DCDC2C: variants seen among roughly 807,000 people sequenced by gnomAD.
DCDC2C encodes doublecortin domain-containing protein 2C.
DCDC2C carries 44 observed loss-of-function variants against 45.0 expected under a neutral mutation model. The observed-to-expected ratio is 0.98, with a 90% CI of 0.77 to 1.26. The LOEUF (loss-of-function observed/expected upper bound fraction) is 1.26. Ranked by LOEUF, DCDC2C falls within the 50% of genes most tolerant of loss-of-function variation. The pLI, the probability that DCDC2C is intolerant of heterozygous loss-of-function variation, is 0.00. For synonymous variants in DCDC2C, 187 were observed against 178.8 expected, an observed-to-expected ratio of 1.05 and a Z score of -0.37; for missense variants, 447 against 468.9, an observed-to-expected ratio of 0.95 and a Z score of 0.43.
Position 3,703,576 on chromosome 2 carries a change from G to GCCCCGTCCAGC in DCDC2C, c.-168_-167insAGCCCCCGTCC, listed in dbSNP as rs537073008. The GCCCCGTCCAGC allele has an allele frequency of 0.012, 6,915 of 598,314 alleles. 419 individuals carry two copies. The African/African-American group carries it at 0.12, about 10-fold the overall frequency. The allele number at this position is 598,314 out of a possible 1,614,324, so 37.1% of individuals were successfully genotyped here. On this transcript the variant is annotated 5_prime_UTR_variant, in exon 1 of 11. Transcript: ENST00000399143. The surrounding 1 kb of genome is among the most constrained non-coding windows in gnomAD (Gnocchi z 4.4). Reference sequence around the variant, plus strand: ...ACACGCAGCCTCCGCCCGCCTGGCAGCCCCGTCCCGTCCCCGTCCAGCCCC... The same window carrying GCCCCGTCCAGC: ...ACACGCAGCCTCCGCCCGCCTGGCAGCCCCGTCCAGCCCCCGTCCCGTCCCCGTCCAGCCCC...
intron 9 of DCDC2C, among the ~76,000 whole-genome samples, chr2:3,784,348 A>G (rs529252764): frequency 1.3e-5 from 2 of 152,180 alleles, no homozygotes; most frequent in African/African-American, 4.8e-5. Context: ...CTTTTTTTAA[A>G]CCATTATCAT....
intron 4 of DCDC2C, among the ~76,000 whole-genome samples, chr2:3,746,995 G>A (rs1669384262): frequency 6.6e-6 from 1 of 152,146 alleles, no homozygotes; most frequent in Non-Finnish European, 1.5e-5. Flanking sequence ...AGGGAAGCAG[G>A]GCCTGGCTGT....
intron 4 of DCDC2C, among the ~76,000 whole-genome samples, chr2:3,747,457 C>T (rs887233776): frequency 2.0e-5 from 3 of 152,158 alleles, no homozygotes; most frequent in South Asian, 2.1e-4. Context: ...CTGAGGGAGG[C>T]GAAGTGGGCC....
intron 2 of DCDC2C, among the ~76,000 whole-genome samples, chr2:3,725,478 A>G (rs77978666): frequency 0.23 from 2,165 of 9,348 alleles, 42 homozygotes; most frequent in African/African-American, 0.3. Flanking sequence ...GGTGGATCCC[A>G]GAGGAAGACG....
At position 3,811,340 on chromosome 2, in the gene DCDC2C, C is replaced by T. The variant is rs530685452; in HGVS notation, c.1065+26240C>T. Among the ~76,000 whole-genome samples the T allele has an allele frequency of 3.3e-5, 5 of 152,186 alleles. No homozygotes were observed. The South Asian group carries it at 6.2e-4, about 19-fold the overall frequency. ...CCTAGGCATTTTATTCTCTTTGTAG[C>T]GATTGTGAATGGGAGTTCATTTATG... On this transcript the variant is annotated intron_variant, in intron 10 of 10. Coordinates refer to ENST00000399143, the MANE Select transcript of DCDC2C (RefSeq NM_001287444.2).
intron 10 of DCDC2C, among the ~76,000 whole-genome samples, chr2:3,802,093 G>A (rs1026501228): frequency 6.6e-6 from 1 of 152,334 alleles, no homozygotes; most frequent in Admixed American, 6.5e-5. Flanking sequence ...GTGTGGAGAT[G>A]AAGTGAGTGT....
chr2:3,753,100 G>C (rs1426332377), intron 5 of DCDC2C, among the ~76,000 whole-genome samples, 200 bp downstream of exon 5: 1 of 148,650 alleles, frequency 6.7e-6, no homozygotes, highest in African/African-American at 2.5e-5. Flanking sequence ...GTATTCACAA[G>C]GACAGCAAGA....
chr2:3,733,184 A>G (rs1049606962), intron 3 of DCDC2C, among the ~76,000 whole-genome samples: 1 of 152,150 alleles, frequency 6.6e-6, no homozygotes, highest in African/African-American at 2.4e-5. Context: ...TAATTGGATA[A>G]AGTGTATTTG....
At chr2:3,731,450 C>T (rs1379899761) in intron 3 of DCDC2C, among the ~76,000 whole-genome samples, 1 of 152,216 alleles carries the variant, frequency 6.6e-6, no homozygotes, top group Non-Finnish European at 1.5e-5. Context: ...AATGACCCTT[C>T]TGAGCATAAT....
chr2:3,788,769 TTCTTCCGTTTCCCTTTCTTCCTC>T (rs140827043), intron 10 of DCDC2C, among the ~76,000 whole-genome samples: 202 of 147,238 alleles, frequency 1.4e-3, no homozygotes, highest in South Asian at 1.9e-3. Flanking sequence ...TTTTCTTCCT[TTCTTCCGTTTCCCTTTCTTCCTC>T]CCTTCCTTCC....
chr2:3,847,086 G>A (rs937997506), intron 10 of DCDC2C, 68 bp from the exon 11 acceptor site: 29 of 989,224 alleles, frequency 2.9e-5, no homozygotes, highest in Non-Finnish European at 3.3e-5. Flanking sequence ...GAGAGAACCA[G>A]AAACAAACTG....
At chr2:3,736,851 AAC>A (rs1438335711) in intron 3 of DCDC2C, among the ~76,000 whole-genome samples, 1 of 152,218 alleles carries the variant, frequency 6.6e-6, no homozygotes, top group Non-Finnish European at 1.5e-5. Context: ...AGTTTAGAAA[AAC>A]ACAATAATAA....
At chr2:3,813,264 G>A (rs888245687) in intron 10 of DCDC2C, among the ~76,000 whole-genome samples, 1 of 151,658 alleles carries the variant, frequency 6.6e-6, no homozygotes, top group Non-Finnish European at 1.5e-5. Flanking sequence ...TAGAGATGGA[G>A]TTTCACCATG....
intron 3 of DCDC2C, among the ~76,000 whole-genome samples, chr2:3,736,953 A>G (rs1669048560): frequency 6.6e-6 from 1 of 152,206 alleles, no homozygotes; most frequent in South Asian, 2.1e-4. Context: ...CCTTCATTAT[A>G]AGCCTATGCA....
At chr2:3,773,325 A>T (rs6711963) in intron 8 of DCDC2C, among the ~76,000 whole-genome samples, 72,443 of 151,510 alleles carry the variant, frequency 0.48, 17,552 homozygotes, top group East Asian at 0.67. Flanking sequence ...ATTTTCAAAG[A>T]ATTTTTAATT....
chr2:3,818,388 C>A lies in DCDC2C; in HGVS notation c.1066-28766C>A, dbSNP rs562906203. Among the ~76,000 whole-genome samples, 362 of 152,074 alleles carry A rather than the reference C, an allele frequency of 2.4e-3. 4 individuals carry two copies. The highest frequency in any genetic ancestry group is 3.6e-3 in the Non-Finnish European group (247 of 68,004). On this transcript the variant is annotated intron_variant, in intron 10 of 10. Coordinates refer to ENST00000399143, the MANE Select transcript of DCDC2C (RefSeq NM_001287444.2). This position sits in a 1 kb window ranked among gnomAD's most constrained non-coding sequence, Gnocchi z 4.7. ...AAGAAAGCATATTTGAGATCCTGAA[C>A]AGAATAATGGGTTATGGAGGGGTTG... is the stretch of plus-strand genomic sequence containing the variant.
At chr2:3,829,914 G>A (rs933902559) in intron 10 of DCDC2C, among the ~76,000 whole-genome samples, 1 of 152,152 alleles carries the variant, frequency 6.6e-6, no homozygotes, top group Non-Finnish European at 1.5e-5. Context: ...GTGAAATTAA[G>A]TCAGTGTCAG....
At position 3,769,398 on chromosome 2, in the gene DCDC2C, T is replaced by C. The variant is rs1670102085; in HGVS notation, c.941T>C (p.Val314Ala). The C allele has an allele frequency of 8.4e-6, 13 of 1,550,102 alleles. No homozygotes were observed. The highest frequency in any genetic ancestry group is 1.1e-5 in the Non-Finnish European group (13 of 1,146,844). ...GAGGAGCACAATGTGCAGCTGGAGG[T>C]GCCTGTGGACCAGGTGGGTGTCCGG... The part of the protein sequence containing the change: ...VKEEHNVQLE[V>A]PVDQRQAEIV... The change falls in exon 8 of 11, where the codon GTG (valine) becomes GCG (alanine). Residue 314 changes from valine to alanine, a missense_variant. Physicochemically the swap from Val to Ala is moderately conservative, Grantham distance 64. Coordinates refer to ENST00000399143, the MANE Select transcript of DCDC2C (RefSeq NM_001287444.2).
chr2:3,777,328 TTTTG>T (rs1670368508), intron 8 of DCDC2C, among the ~76,000 whole-genome samples: 1 of 152,194 alleles, frequency 6.6e-6, no homozygotes, highest in African/African-American at 2.4e-5. Flanking sequence ...GTCACAGTTG[TTTTG>T]TTTGTGTGAC....
Sources: allele counts gnomAD v4.1 joint callset (sites outside exome capture counted in the v4.1 genomes callset), GRCh38; gene constraint gnomAD v4.1.1; non-coding constraint Gnocchi (gnomAD v3.1); transcripts MANE v1.5; gene names NCBI Gene and HGNC (gene_info 2026-07-23, HGNC 2026-07-21).